DNMT3B: variants seen among roughly 807,000 people sequenced by gnomAD.
DNMT3B encodes the protein DNA (cytosine-5)-methyltransferase 3B.
In DNMT3B, 37 loss-of-function variants were observed where a neutral mutation model predicts 120.2. The observed-to-expected ratio is 0.31, with a 90% confidence interval of 0.24 to 0.40. DNMT3B has a LOEUF of 0.40. DNMT3B is among the 10% of genes least tolerant of loss of function. DNMT3B has a pLI of 1.00. For missense variants in DNMT3B, 878 were observed against 1,137.3 expected, an observed-to-expected ratio of 0.77 and a Z score of 3.28; for synonymous variants, 412 against 442.8, an observed-to-expected ratio of 0.93 and a Z score of 0.87.
At position 32,780,462 on chromosome 20, in the gene DNMT3B, A is replaced by G. The variant is rs1303346832; in HGVS notation, c.139A>G (p.Arg47Gly). Residue 47 changes from arginine to glycine, a missense_variant, in exon 2 of 23, where the codon AGA (arginine) becomes GGA (glycine). Arg to Gly is a moderately radical substitution (Grantham distance 125). Around this residue, in one of 4 missense-constraint regions of DNMT3B, gnomAD observed 287 missense variants for 306.2 expected, o/e 0.94. Transcript: ENST00000328111. ...GGAGGCTATCCGCACCCCGGAGATC[A>G]GAGGTGGCTGGGCAGTGGGGACTGG... ...ILEAIRTPEI[R>G]GRRSSSRLSK... The G allele has an allele frequency of 2.5e-6, 4 of 1,612,582 alleles. No homozygotes were observed. Among genetic ancestry groups the G allele is most frequent in the Non-Finnish European group, 3.4e-6 (4 of 1,179,964 alleles).
chr20:32,797,113 C>T (rs1331848939), intron 13 of DNMT3B, 74 bp from the exon 14 acceptor site: 2 of 1,606,278 alleles, frequency 1.2e-6, no homozygotes, highest in Non-Finnish European at 1.7e-6. Context: ...TATCCTAGGG[C>T]CTCCACCAGC....
At chr20:32,780,872 T>C (rs1343546215) in intron 2 of DNMT3B, among the ~76,000 whole-genome samples, 1 of 152,206 alleles carries the variant, frequency 6.6e-6, no homozygotes, top group African/African-American at 2.4e-5. Flanking sequence ...GCCAGCTCAC[T>C]TGGGATCCCG....
chr20:32,796,934 C>T, intron 13 of DNMT3B, 65 bp downstream of exon 13: 1 of 1,614,134 alleles, frequency 6.2e-7, no homozygotes, highest in Non-Finnish European at 8.5e-7. Flanking sequence ...CCTCTCCTTC[C>T]CAACAGCACC....
chr20:32,786,424 G>T, intron 4 of DNMT3B, 78 bp from the exon 5 acceptor site: 1 of 1,607,520 alleles, frequency 6.2e-7, no homozygotes. Flanking sequence ...GCCACCTGAA[G>T]GCCTAATCCT....
At chr20:32,767,083 G>T (rs1465607119) in intron 1 of DNMT3B, among the ~76,000 whole-genome samples, 1 of 151,750 alleles carries the variant, frequency 6.6e-6, no homozygotes, top group African/African-American at 2.4e-5. Flanking sequence ...GTAGAGATGG[G>T]GTTTCTCCAT....
intron 20 of DNMT3B, among the ~76,000 whole-genome samples, chr20:32,804,303 C>T (rs556554318): frequency 3.9e-5 from 6 of 152,274 alleles, no homozygotes; most frequent in African/African-American, 7.2e-5. Flanking sequence ...CAGCACAAGG[C>T]GGGGCTGTGC....
chr20:32,807,894 A>G lies in DNMT3B; in HGVS notation c.2553A>G (p.Ala851=), dbSNP rs768278735. 2 of 1,614,178 alleles carry G rather than the reference A, an allele frequency of 1.2e-6. 1 individual carries two copies. Among genetic ancestry groups the G allele is most frequent in the South Asian group, 2.2e-5 (2 of 91,084 alleles). The change falls in exon 23 of 23, where the codon GCA becomes GCG. Residue 851 remains alanine, a synonymous_variant. Transcript: ENST00000328111. Reference sequence around the variant, plus strand: ...TCGCCCCTCTGAAGGACTACTTTGCATGTGAATAGTTCCAGCCAGGCCCCA... The same window carrying G: ...TCGCCCCTCTGAAGGACTACTTTGCGTGTGAATAGTTCCAGCCAGGCCCCA... ...HLFAPLKDYF[A]CE is the part of the protein sequence containing the mutation.
In DNMT3B at chr20:32,798,415, A is replaced by G. The variant is rs1256722928; in HGVS notation, c.1491-45A>G. ...AAGTGGTAAGGGGGTGGCACAGGAG[A>G]CCAGCTCTGACAAAGGCATCCCTTC... On this transcript the variant is annotated intron_variant, in intron 14 of 22. Transcript: ENST00000328111. 4 of 1,612,392 alleles carry G rather than the reference A, an allele frequency of 2.5e-6. No individual in the cohort carries two copies. In the South Asian group the frequency reaches 3.3e-5, roughly 13 times the overall value.
intron 8 of DNMT3B, 95 bp from the exon 9 acceptor site, chr20:32,792,531 G>T: frequency 6.2e-7 from 1 of 1,602,238 alleles, no homozygotes; most frequent in Non-Finnish European, 8.5e-7. Flanking sequence ...CCAGTGTGAA[G>T]GGGAATGTAG....
chr20:32,776,643 A>G (rs934614420), intron 1 of DNMT3B, among the ~76,000 whole-genome samples: 16 of 152,264 alleles, frequency 1.1e-4, no homozygotes, highest in African/African-American at 3.9e-4. Flanking sequence ...CAGGAATAAC[A>G]GTACTTACCA....
chr20:32,789,942 G>A (rs1979767401), intron 7 of DNMT3B, among the ~76,000 whole-genome samples: 1 of 152,204 alleles, frequency 6.6e-6, no homozygotes, highest in African/African-American at 2.4e-5. Flanking sequence ...TCTCTTAGAA[G>A]TAAATGTTAG....
At chr20:32,807,366 G>T (rs1406224918) in intron 22 of DNMT3B, among the ~76,000 whole-genome samples, 1 of 152,150 alleles carries the variant, frequency 6.6e-6, no homozygotes, top group East Asian at 1.9e-4. Flanking sequence ...AACTCTGGTT[G>T]CCTGAGCCTG....
At position 32,785,332 on chromosome 20, in the gene DNMT3B, G is replaced by A. The variant is rs150405192; in HGVS notation, c.306+473G>A. ...TGGGATTTCAGGTGTGAGCCACTGC[G>A]CCCGGCTGGAAGGTTTTCTCTATGT... is the stretch of plus-strand genomic sequence containing the variant. On this transcript the variant is annotated intron_variant, in intron 4 of 22. Coordinates refer to ENST00000328111, the MANE Select transcript of DNMT3B (RefSeq NM_006892.4). Among the ~76,000 whole-genome samples the A allele has an allele frequency of 2.0e-3, 308 of 152,272 alleles. 1 individual carries two copies. Among genetic ancestry groups the A allele is most frequent in the African/African-American group, 6.8e-3 (281 of 41,556 alleles).
chr20:32,762,619 C>T lies in DNMT3B; in HGVS notation c.-87C>T. On this transcript the variant is annotated 5_prime_UTR_variant, in exon 1 of 23. In the 5' UTR this introduces an upstream ATG that the reference lacks. Transcript: ENST00000328111. ...AGATTCGCGAGCCCAGCGCCCTGCA[C>T]GGCCGCCAGCCGGCCTCCCGCCAGC... is the stretch of plus-strand genomic sequence containing the variant. 3.5e-6 allele frequency: 1 copy of T among 282,438 alleles called. No homozygotes were observed. Among genetic ancestry groups the T allele is most frequent in the Non-Finnish European group, 7.4e-6 (1 of 135,654 alleles). 17.5% of individuals were successfully genotyped at this position (282,438 alleles called of 1,614,324 possible).
intron 22 of DNMT3B, among the ~76,000 whole-genome samples, chr20:32,807,381 G>A (rs1412633622): frequency 6.6e-6 from 1 of 152,174 alleles, no homozygotes; most frequent in East Asian, 1.9e-4. Flanking sequence ...AGCCTGTGAT[G>A]ACTGAAAATC....
At chr20:32,792,849 G>T (rs1432952080) in intron 9 of DNMT3B, 79 bp downstream of exon 9, 1 of 1,588,878 alleles carries the variant, frequency 6.3e-7, no homozygotes, top group African/African-American at 1.3e-5. Flanking sequence ...CACCCCTGCT[G>T]CCCCACACCC....
chr20:32,784,951 G>A (rs926325087), intron 4 of DNMT3B, 92 bp downstream of exon 4: 193 of 1,216,598 alleles, frequency 1.6e-4, no homozygotes, highest in Admixed American at 5.2e-4. Context: ...CTCCTTAGGG[G>A]AGCTTTTAAG....
At position 32,807,818 on chromosome 20, in the gene DNMT3B, G is replaced by C; in HGVS notation, c.2477G>C (p.Arg826Pro). ...TDVSNMGRGA[R>P]QKLLGRSWSV... The stretch of plus-strand genomic sequence containing the variant: ...GTGTCCAACATGGGCCGTGGTGCCC[G>C]CCAGAAGCTGCTGGGAAGGTCCTGG... Residue 826 changes from arginine (R) to proline (P), a missense_variant, in exon 23 of 23, where the codon CGC becomes CCC. Coordinates refer to ENST00000328111, the MANE Select transcript of DNMT3B (RefSeq NM_006892.4). 6.2e-7 allele frequency: 1 copy of C among 1,614,138 alleles called. No homozygotes were observed. The highest frequency in any genetic ancestry group is 8.5e-7 in the Non-Finnish European group (1 of 1,180,020).
chr20:32,783,533 A>G (rs1265261799), intron 3 of DNMT3B, among the ~76,000 whole-genome samples: 2 of 151,292 alleles, frequency 1.3e-5, no homozygotes, highest in East Asian at 3.9e-4. Context: ...AGTCCTGGGC[A>G]ATGAAAACTC....
Sources: allele counts gnomAD v4.1 joint callset (sites outside exome capture counted in the v4.1 genomes callset), GRCh38; gene constraint gnomAD v4.1.1; regional missense constraint gnomAD v4.1.1; transcripts MANE v1.5; gene names NCBI Gene and HGNC (gene_info 2026-07-23, HGNC 2026-07-21).